PCNT: variants seen among roughly 807,000 people sequenced by gnomAD.
PCNT encodes the protein pericentrin.
A neutral mutation model predicts 380.4 loss-of-function variants in PCNT; 319 were observed. The ratio of observed to expected loss-of-function variants is 0.84; its 90% CI spans 0.77 to 0.92. PCNT has a LOEUF of 0.92. PCNT is among the 40% of genes least tolerant of loss of function. The pLI, the probability that PCNT is intolerant of heterozygous loss-of-function variation, is 0.00. For missense variants in PCNT, 4,400 were observed against 4,255.3 expected, an observed-to-expected ratio of 1.03 and a Z score of -0.95; for synonymous variants, 1,845 against 1,735.2, an observed-to-expected ratio of 1.06 and a Z score of -1.57.
At chr21:46,340,736 C>T (rs2083889112) in intron 3 of PCNT, among the ~76,000 whole-genome samples, 1 of 151,800 alleles carries the variant, frequency 6.6e-6, no homozygotes, top group Admixed American at 6.6e-5. Flanking sequence ...ATGGTGTGAT[C>T]TCGGCTCACT....
chr21:46,415,981 T>G (rs896188892), intron 29 of PCNT, 88 bp from the exon 30 acceptor site: 1 of 1,326,694 alleles, frequency 7.5e-7, no homozygotes, highest in African/African-American at 1.4e-5. Flanking sequence ...GCTCCGAAAC[T>G]CCCTGAAATC....
At chr21:46,355,363 TGCATA>T (rs1189974773) in intron 11 of PCNT, 84 bp from the exon 12 acceptor site, 1 of 1,375,878 alleles carries the variant, frequency 7.3e-7, no homozygotes, top group African/African-American at 1.4e-5. Context: ...GTTTTCTTTG[TGCATA>T]GCAGGAAACA....
At chr21:46,350,962 T>C (rs141110279) in intron 8 of PCNT, among the ~76,000 whole-genome samples, 34 of 152,328 alleles carry the variant, frequency 2.2e-4, no homozygotes, top group African/African-American at 8.2e-4. Context: ...CAGAAAAGTT[T>C]AGTGTCACGG....
rs763131562 is a variant in PCNT, at chr21:46,416,730, C to A, written c.6812C>A (p.Thr2271Asn). Residue 2271 changes from threonine (T) to asparagine (N), a missense_variant, in exon 30 of 47, where the codon ACC (threonine) becomes AAC (asparagine). Thr to Asn is a moderately conservative substitution (Grantham distance 65). Transcript: ENST00000359568. ...AGGGCGGACACCTCGCTGCCACAGA[C>A]CCAGGGGCCGGGGCTGCTTTGTTCC... is the stretch of plus-strand genomic sequence containing the variant. Reference protein sequence around the residue: ...GDRADTSLPQTQGPGLLCSPG... With the variant: ...GDRADTSLPQNQGPGLLCSPG... 3.1e-6 allele frequency: 5 copies of A among 1,590,758 alleles called. No individual in the cohort carries two copies. In the South Asian group the frequency reaches 4.5e-5, roughly 14 times the overall value.
At chr21:46,381,093 C>T (rs575015222) in intron 15 of PCNT, among the ~76,000 whole-genome samples, 5 of 151,020 alleles carry the variant, frequency 3.3e-5, no homozygotes, top group South Asian at 2.1e-4. Flanking sequence ...AAGAGAATCC[C>T]GTGAACCTGG....
chr21:46,344,091 G>A (rs1438623422), intron 3 of PCNT, among the ~76,000 whole-genome samples: 13 of 149,118 alleles, frequency 8.7e-5, no homozygotes, highest in Non-Finnish European at 1.8e-4. Flanking sequence ...TTGAGATGGA[G>A]TATCGCTCTG....
chr21:46,432,421 C>T (rs1053559275), intron 38 of PCNT, among the ~76,000 whole-genome samples: 1 of 152,210 alleles, frequency 6.6e-6, no homozygotes, highest in Non-Finnish European at 1.5e-5. Context: ...TCTCCAACTT[C>T]GTTCTTCCTC....
At chr21:46,368,222 G>T (rs1305412606) in intron 15 of PCNT, among the ~76,000 whole-genome samples, 2 of 152,086 alleles carry the variant, frequency 1.3e-5, no homozygotes, top group Non-Finnish European at 2.9e-5. Context: ...AAGGCGGGCA[G>T]ATCACAAGGT....
chr21:46,411,455 T>C lies in PCNT; in HGVS notation c.5382T>C (p.Ala1794=). 5 of 1,610,932 alleles carry C rather than the reference T, an allele frequency of 3.1e-6. No individual in the cohort carries two copies. The highest frequency in any genetic ancestry group is 4.2e-6 in the Non-Finnish European group (5 of 1,179,262). ...AGGCCCTACAGGGCGAGCTCGAGGCTGCGCTGGAAGCCAAGGAGGCCCTGA... is the reference window on the plus strand; with the variant it reads ...AGGCCCTACAGGGCGAGCTCGAGGCCGCGCTGGAAGCCAAGGAGGCCCTGA... ...RGQALQGELE[A]ALEAKEALSR... Residue 1794 remains alanine (A), a synonymous_variant, in exon 28 of 47, where the codon GCT becomes GCC. Coordinates refer to ENST00000359568, the MANE Select transcript of PCNT (RefSeq NM_006031.6).
intron 30 of PCNT, 151 bp from the exon 31 acceptor site, chr21:46,418,053 A>G: frequency 1.6e-6 from 1 of 644,382 alleles, no homozygotes; most frequent in Admixed American, 2.6e-5. Flanking sequence ...TGTTGGAAGC[A>G]TTCGACCTGT....
intron 2 of PCNT, among the ~76,000 whole-genome samples, chr21:46,331,908 C>T (rs964281394): frequency 2.0e-5 from 3 of 152,166 alleles, no homozygotes; most frequent in Admixed American, 2.0e-4. Context: ...GCCTGTAATC[C>T]CAGCACTTTG....
chr21:46,368,396 C>T (rs146549414), intron 15 of PCNT, among the ~76,000 whole-genome samples: 5,796 of 151,430 alleles, frequency 0.038, 161 homozygotes, highest in Middle Eastern at 0.083. Context: ...TGCAGTGATC[C>T]GAGATCGCAC....
chr21:46,328,069 G>A (rs988968295), intron 2 of PCNT, among the ~76,000 whole-genome samples: 1 of 152,180 alleles, frequency 6.6e-6, no homozygotes, highest in Admixed American at 6.5e-5. Context: ...AGGCTTTGAT[G>A]TTTGCTAGGA....
At chr21:46,426,087 T>G in intron 33 of PCNT, 116 bp downstream of exon 33, 1 of 1,185,740 alleles carries the variant, frequency 8.4e-7, no homozygotes, top group Middle Eastern at 2.8e-4. Context: ...TTTTTTTTTT[T>G]TTTTTTTTTG....
chr21:46,443,718 C>G, intron 44 of PCNT, 92 bp from the exon 45 acceptor site: 1 of 1,248,266 alleles, frequency 8.0e-7, no homozygotes, highest in Non-Finnish European at 1.2e-6. Flanking sequence ...CTCTTAAAAG[C>G]TTATACGTTT....
At position 46,443,879 on chromosome 21, in the gene PCNT, C is replaced by T; in HGVS notation, c.9770C>T (p.Ser3257Phe). ...TCCCCCCCAACCCGGGATGTACCCT[C>T]TGGCCACACCAGGGACCCTGCCAGA... ...RESPPTRDVP[S>F]GHTRDPARGR... is the part of the protein sequence containing the mutation. The change falls in exon 45 of 47, where the codon TCT becomes TTT. Residue 3257 changes from serine to phenylalanine, a missense_variant. By Grantham distance (155) the Ser-to-Phe change is radical (BLOSUM62 -2). Transcript: ENST00000359568. The T allele has an allele frequency of 6.2e-7, 1 of 1,613,158 alleles. No individual in the cohort carries two copies.
intron 31 of PCNT, among the ~76,000 whole-genome samples, chr21:46,418,612 T>C (rs774523022): frequency 6.6e-6 from 1 of 152,254 alleles, no homozygotes; most frequent in Non-Finnish European, 1.5e-5. Context: ...GTCCCAGTAG[T>C]GTCCTTTATG....
intron 1 of PCNT, among the ~76,000 whole-genome samples, chr21:46,326,041 CT>C: frequency 6.6e-6 from 1 of 152,126 alleles, no homozygotes; most frequent in East Asian, 1.9e-4. Flanking sequence ...CATTTTAAAA[CT>C]TAAATATGCC....
chr21:46,334,902 A>T, intron 3 of PCNT, 134 bp downstream of exon 3: 2 of 1,414,080 alleles, frequency 1.4e-6, no homozygotes, highest in Non-Finnish European at 1.9e-6. Flanking sequence ...AAGCATAGAG[A>T]GCTGGAGGCA....
Sources: gnomAD v4.1 joint callset for allele counts (sites outside exome capture counted in the v4.1 genomes callset) on GRCh38, gnomAD v4.1.1 for gene constraint, MANE v1.5 for transcripts, NCBI Gene and HGNC (gene_info 2026-07-23, HGNC 2026-07-21) for gene names.